PTPRZ1: variants seen among roughly 807,000 people sequenced by gnomAD.
The protein encoded by PTPRZ1 is receptor-type tyrosine-protein phosphatase zeta.
PTPRZ1 carries 82 observed loss-of-function variants against 214.1 expected under a neutral mutation model. The ratio of observed to expected loss-of-function variants is 0.38; its 90% CI spans 0.32 to 0.46. The LOEUF (loss-of-function observed/expected upper bound fraction) is 0.46. Among genes scored for constraint, PTPRZ1 ranks in the 20% least tolerant of loss-of-function variants. PTPRZ1 has a pLI of 1.00. For missense variants in PTPRZ1, 2,603 were observed against 2,748.7 expected, an observed-to-expected ratio of 0.95 and a Z score of 1.19; for synonymous variants, 945 against 987.9, an observed-to-expected ratio of 0.96 and a Z score of 0.81.
chr7:121,899,174 A>G (rs1794888823), intron 1 of PTPRZ1, among the ~76,000 whole-genome samples: 1 of 152,124 alleles, frequency 6.6e-6, no homozygotes. Flanking sequence ...GTTGTTTTAA[A>G]TGAAACTGTA....
intron 4 of PTPRZ1, among the ~76,000 whole-genome samples, chr7:121,975,565 A>G (rs1308746041): frequency 6.6e-6 from 1 of 152,074 alleles, no homozygotes; most frequent in Non-Finnish European, 1.5e-5. Context: ...GAGGCTTCCT[A>G]CTCTTACCTT....
At position 121,912,214 on chromosome 7, in the gene PTPRZ1, T is replaced by C. The variant is rs190398974; in HGVS notation, c.59-15942T>C. On this transcript the variant is annotated intron_variant, in intron 1 of 29. Transcript: ENST00000393386. Reference sequence around the variant, plus strand: ...TAACTGCAACCATTTTATATGAAAATTATAACAAGGCAAAGCTTACATTTC... The same window carrying C: ...TAACTGCAACCATTTTATATGAAAACTATAACAAGGCAAAGCTTACATTTC... 7.2e-3 allele frequency among the ~76,000 whole-genome samples: 1,100 copies of C among 152,276 alleles called. 11 individuals are homozygous for C. The highest frequency in any genetic ancestry group is 0.011 in the Non-Finnish European group (735 of 68,016).
At chr7:121,962,761 T>TGG (rs1176200555) in intron 2 of PTPRZ1, among the ~76,000 whole-genome samples, 2 of 151,940 alleles carry the variant, frequency 1.3e-5, no homozygotes, top group Admixed American at 1.3e-4. Context: ...AGATGGGGTT[T>TGG]CACCATATTG....
intron 27 of PTPRZ1, 39 bp from the exon 28 acceptor site, chr7:122,058,761 T>C (rs562022950): frequency 6.5e-7 from 1 of 1,541,876 alleles, no homozygotes; most frequent in Non-Finnish European, 8.9e-7. Context: ...CCTGGTAAAC[T>C]GTCACTAACT....
intron 21 of PTPRZ1, among the ~76,000 whole-genome samples, chr7:122,042,329 T>C (rs887887625): frequency 3.3e-5 from 5 of 152,204 alleles, no homozygotes; most frequent in Non-Finnish European, 7.3e-5. Context: ...ATAATAAATA[T>C]GGTTTTTGAA....
At chr7:122,016,772 A>G (rs981704938) in intron 12 of PTPRZ1, among the ~76,000 whole-genome samples, 2 of 151,896 alleles carry the variant, frequency 1.3e-5, no homozygotes, top group Middle Eastern at 3.5e-3. Context: ...AATTATATAT[A>G]TATATACCCA....
chr7:122,006,702 G>T (rs548251014), intron 11 of PTPRZ1, among the ~76,000 whole-genome samples: 1 of 151,740 alleles, frequency 6.6e-6, no homozygotes. Flanking sequence ...TGTAGTCAGA[G>T]AAAAGTTCCT....
At chr7:121,906,182 TAAAGG>T (rs1436831650) in intron 1 of PTPRZ1, among the ~76,000 whole-genome samples, 1 of 152,196 alleles carries the variant, frequency 6.6e-6, no homozygotes, top group Non-Finnish European at 1.5e-5. Flanking sequence ...TACCTCCATT[TAAAGG>T]AAGCAATTAT....
In PTPRZ1 at chr7:121,968,105, A is replaced by G. The variant is rs1411151079; in HGVS notation, c.279A>G (p.Thr93=). 2.5e-6 allele frequency: 4 copies of G among 1,603,540 alleles called. No homozygotes were observed. In the South Asian group the frequency reaches 4.6e-5, roughly 18 times the overall value. Residue 93 remains threonine, a synonymous_variant, in exon 3 of 30, where the codon ACA becomes ACG. Coordinates refer to ENST00000393386, the MANE Select transcript of PTPRZ1 (RefSeq NM_002851.3). The part of the protein sequence containing the change: ...QGWDKTSLEN[T]FIHNTGKTVE... ...GGGATAAAACATCATTGGAAAACACATTCATTCATAACACTGGGAAAACAG... is the reference window on the plus strand; with the variant it reads ...GGGATAAAACATCATTGGAAAACACGTTCATTCATAACACTGGGAAAACAG...
At chr7:122,016,884 A>T (rs1236403338) in intron 12 of PTPRZ1, among the ~76,000 whole-genome samples, 3 of 152,070 alleles carry the variant, frequency 2.0e-5, no homozygotes, top group Non-Finnish European at 4.4e-5. Context: ...CTCAAACTTT[A>T]ACATAGATCA....
intron 21 of PTPRZ1, among the ~76,000 whole-genome samples, chr7:122,041,916 C>T (rs1275203227): frequency 6.6e-6 from 1 of 152,172 alleles, no homozygotes; most frequent in Admixed American, 6.5e-5. Flanking sequence ...GGGATTGTTT[C>T]CTAGCAAACG....
At chr7:121,892,875 T>C (rs933401999) in intron 1 of PTPRZ1, among the ~76,000 whole-genome samples, 1 of 151,722 alleles carries the variant, frequency 6.6e-6, no homozygotes, top group Non-Finnish European at 1.5e-5. Flanking sequence ...TTCTGCATGG[T>C]AGTGGGTATC....
At chr7:121,905,127 G>C (rs969765787) in intron 1 of PTPRZ1, among the ~76,000 whole-genome samples, 2 of 152,166 alleles carry the variant, frequency 1.3e-5, no homozygotes, top group African/African-American at 4.8e-5. Context: ...AGAAACTATA[G>C]ATAATTTGAT....
At chr7:122,049,151 A>G (rs532905429) in intron 23 of PTPRZ1, among the ~76,000 whole-genome samples, 133 of 152,242 alleles carry the variant, frequency 8.7e-4, no homozygotes, top group Non-Finnish European at 1.6e-3. Context: ...TTCATTTAAA[A>G]AAAGAACTCT....
chr7:122,053,204 A>T (rs1462485174), intron 25 of PTPRZ1, among the ~76,000 whole-genome samples: 1 of 152,178 alleles, frequency 6.6e-6, no homozygotes, highest in Non-Finnish European at 1.5e-5. Flanking sequence ...CCAGGGCATT[A>T]TCCAAGTAGG....
rs757132633 is a variant in PTPRZ1, at chr7:122,031,471, T to A, written c.5081-3T>A. 2 of 1,608,086 alleles carry A rather than the reference T, an allele frequency of 1.2e-6. No individual in the cohort carries two copies. Among genetic ancestry groups the A allele is most frequent in the South Asian group, 2.2e-5 (2 of 90,394 alleles). On this transcript the variant is annotated splice_polypyrimidine_tract_variant and splice_region_variant and intron_variant, in intron 14 of 29. Transcript: ENST00000393386. ...CTCTAACACAATTTTTTTATTCACG[T>A]AGATGATGTCGGAGCAATTCCAATA...
chr7:121,902,855 C>A (rs1317190493), intron 1 of PTPRZ1, among the ~76,000 whole-genome samples: 1 of 151,986 alleles, frequency 6.6e-6, no homozygotes, highest in African/African-American at 2.4e-5. Context: ...TGCCTTCATG[C>A]CTACAATGAA....
chr7:121,920,207 TCAGAAAGGGGCACAG>T (rs1262599211), intron 1 of PTPRZ1, among the ~76,000 whole-genome samples: 1 of 152,130 alleles, frequency 6.6e-6, no homozygotes, highest in East Asian at 1.9e-4. Flanking sequence ...GTGACCCCAA[TCAGAAAGGGGCACAG>T]CAGATGTTCT....
chr7:122,030,643 A>G (rs147260262), intron 14 of PTPRZ1, among the ~76,000 whole-genome samples: 151 of 152,112 alleles, frequency 9.9e-4, no homozygotes, highest in African/African-American at 3.2e-3. Context: ...AAAATATTAG[A>G]TGGCCTAAAT....
Sources: gnomAD v4.1 joint callset for allele counts (sites outside exome capture counted in the v4.1 genomes callset) on GRCh38, gnomAD v4.1.1 for gene constraint, MANE v1.5 for transcripts, NCBI Gene and HGNC (gene_info 2026-07-23, HGNC 2026-07-21) for gene names.